Variants in WNT2 observed in about 807,000 individuals in gnomAD.
WNT2 encodes protein Wnt-2.
In WNT2, 12 loss-of-function variants were observed where a neutral mutation model predicts 36.9. That is an observed-to-expected ratio of 0.33 (90% CI 0.21 to 0.53). The LOEUF (loss-of-function observed/expected upper bound fraction) is 0.53, where lower values mean the gene tolerates loss of function less well. WNT2 is among the 20% of genes least tolerant of loss of function. The pLI, the probability that WNT2 is intolerant of heterozygous loss-of-function variation, is 0.95. For missense variants in WNT2, 379 were observed against 473.1 expected (o/e 0.80, Z 1.84); for synonymous variants, 163 against 174.6 (o/e 0.93, Z 0.52).
intron 3 of WNT2, among the ~76,000 whole-genome samples, chr7:117,306,570 T>C (rs908155960): frequency 6.6e-6 from 1 of 152,220 alleles, no homozygotes; most frequent in Non-Finnish European, 1.5e-5. Context: ...GAAAAGTCTC[T>C]TGTTCTACTT....
chr7:117,285,672 T>C (rs1794566110), intron 4 of WNT2, among the ~76,000 whole-genome samples: 1 of 152,216 alleles, frequency 6.6e-6, no homozygotes, highest in Non-Finnish European at 1.5e-5. Flanking sequence ...GTCTCCCAAA[T>C]TGATACTTTA....
intron 4 of WNT2, among the ~76,000 whole-genome samples, chr7:117,281,695 A>G (rs1338559736): frequency 1.3e-5 from 2 of 152,054 alleles, no homozygotes; most frequent in Non-Finnish European, 2.9e-5. Flanking sequence ...CAGACAAGAG[A>G]TATTGCGTGA....
chr7:117,314,063 T>G (rs39311), intron 3 of WNT2, among the ~76,000 whole-genome samples: 45,435 of 152,098 alleles, frequency 0.3, 7,295 homozygotes, highest in African/African-American at 0.39. Flanking sequence ...ATTTTATGCT[T>G]ATCTTTCTTT....
chr7:117,297,510 G>T, intron 4 of WNT2, 102 bp downstream of exon 4: 1 of 1,401,316 alleles, frequency 7.1e-7, no homozygotes, highest in Non-Finnish European at 9.7e-7. Context: ...CGTGAGCTTT[G>T]AACCTAAAGA....
In WNT2 at chr7:117,276,862, T is replaced by C. The variant is rs1794388976; in HGVS notation, c.*1293A>G. 1 of 152,258 alleles carries C rather than the reference T, an allele frequency of 6.6e-6. No individual in the cohort carries two copies. The highest frequency in any genetic ancestry group is 2.4e-5 in the African/African-American group (1 of 41,478). 9.4% of individuals were successfully genotyped at this position (152,258 alleles called of 1,614,324 possible). A position where few individuals can be genotyped will look rare whatever the true frequency, so the allele number is the denominator to read the frequency against. ...CATACTGATGCTCCCATAATTACAG[T>C]TGAGTCCCTTAAACATAGTCTCCAA... On this transcript the variant is annotated 3_prime_UTR_variant, in exon 5 of 5. Coordinates refer to ENST00000265441, the MANE Select transcript of WNT2 (RefSeq NM_003391.3).
At chr7:117,282,168 G>T (rs1256109430) in intron 4 of WNT2, among the ~76,000 whole-genome samples, 1 of 152,202 alleles carries the variant, frequency 6.6e-6, no homozygotes, top group Non-Finnish European at 1.5e-5. Flanking sequence ...TTTCCTTGGG[G>T]AATAGAGAAA....
chr7:117,283,653 G>C (rs1324977800), intron 4 of WNT2, among the ~76,000 whole-genome samples: 2 of 152,244 alleles, frequency 1.3e-5, no homozygotes, highest in African/African-American at 2.4e-5. Flanking sequence ...GGATTGCTCA[G>C]TGTAGTGACC....
At chr7:117,304,558 C>G (rs935702520) in intron 3 of WNT2, among the ~76,000 whole-genome samples, 1 of 151,916 alleles carries the variant, frequency 6.6e-6, no homozygotes, top group African/African-American at 2.4e-5. Flanking sequence ...GCCTCAGCCT[C>G]CCAACTAGCT....
chr7:117,312,615 TC>T (rs1795141979), intron 3 of WNT2, among the ~76,000 whole-genome samples: 1 of 152,238 alleles, frequency 6.6e-6, no homozygotes, highest in Admixed American at 6.5e-5. Flanking sequence ...GACAGGCTTA[TC>T]TTTTTAGTAC....
At chr7:117,287,337 T>C (rs1794602817) in intron 4 of WNT2, among the ~76,000 whole-genome samples, 1 of 152,100 alleles carries the variant, frequency 6.6e-6, no homozygotes, top group South Asian at 2.1e-4. Flanking sequence ...AGAGCGAGAC[T>C]GTCTCAAAAC....
At chr7:117,302,568 T>A (rs906632450) in intron 3 of WNT2, among the ~76,000 whole-genome samples, 4 of 152,182 alleles carry the variant, frequency 2.6e-5, no homozygotes, top group African/African-American at 7.2e-5. Context: ...GATTCCACTC[T>A]GGAAACATCT....
chr7:117,310,545 C>T (rs1011397805), intron 3 of WNT2, among the ~76,000 whole-genome samples: 10 of 146,800 alleles, frequency 6.8e-5, no homozygotes, highest in African/African-American at 1.5e-4. Flanking sequence ...ATTGTGCCAC[C>T]GCACTCCAGC....
chr7:117,304,761 T>C (rs1438764096), intron 3 of WNT2, among the ~76,000 whole-genome samples: 1 of 152,210 alleles, frequency 6.6e-6, no homozygotes, highest in Non-Finnish European at 1.5e-5. Flanking sequence ...AATGGCATTC[T>C]AATTAGCCGG....
chr7:117,297,667 A>G lies in WNT2; in HGVS notation c.798T>C (p.Asn266=). ...GAGAATTCTCAAAATACACGAGGTC[A>G]TTTTTCGTTGGCTTCTTAAACCTCT... ...ANERFKKPTK[N]DLVYFENSPD... Residue 266 remains asparagine (N), a synonymous_variant, in exon 4 of 5, where the codon AAT becomes AAC. Coordinates refer to ENST00000265441, the MANE Select transcript of WNT2 (RefSeq NM_003391.3). 2 of 1,614,070 alleles carry G rather than the reference A, an allele frequency of 1.2e-6. No homozygotes were observed.
In WNT2 at chr7:117,278,337, T is replaced by C. The variant is rs552137031; in HGVS notation, c.901A>G (p.Met301Val). 37 of 1,614,122 alleles carry C rather than the reference T, an allele frequency of 2.3e-5. No individual in the cohort carries two copies. In the South Asian group the frequency reaches 3.6e-4, roughly 16 times the overall value. Residue 301 changes from methionine (M) to valine (V), a missense_variant, in exon 5 of 5, where the codon ATG (methionine) becomes GTG (valine). Met to Val is a conservative substitution (Grantham distance 21). Transcript: ENST00000265441. ...GRVCNLTSRG[M>V]DSCEVMCCGR... is the part of the protein sequence containing the mutation. ...CAGCACATGACTTCACAGCTGTCCA[T>C]GCCCCGGGAAGTCAGGTTGCACACA...
intron 4 of WNT2, among the ~76,000 whole-genome samples, chr7:117,287,800 C>G (rs1475614011): frequency 6.6e-6 from 1 of 151,958 alleles, no homozygotes; most frequent in African/African-American, 2.4e-5. Flanking sequence ...CCAGCCTGGC[C>G]AACATGGTGA....
intron 2 of WNT2, among the ~76,000 whole-genome samples, chr7:117,316,716 C>A (rs560654199): frequency 2.0e-5 from 3 of 152,284 alleles, no homozygotes; most frequent in African/African-American, 7.2e-5. Flanking sequence ...ATTTACCCCC[C>A]AAACCTCTAA....
chr7:117,291,863 C>T (rs1467656870), intron 4 of WNT2, among the ~76,000 whole-genome samples: 2 of 151,172 alleles, frequency 1.3e-5, no homozygotes, highest in African/African-American at 4.9e-5. Flanking sequence ...CCACAACCTC[C>T]ACCTCCCAGG....
intron 4 of WNT2, among the ~76,000 whole-genome samples, chr7:117,286,484 T>G (rs1334481763): frequency 2.7e-5 from 4 of 150,914 alleles, no homozygotes; most frequent in African/African-American, 9.8e-5. Flanking sequence ...CACCTCCTTC[T>G]CCCCCCATCC....
Sources: allele counts gnomAD v4.1 joint callset (sites outside exome capture counted in the v4.1 genomes callset), GRCh38; gene constraint gnomAD v4.1.1; transcripts MANE v1.5; gene names NCBI Gene and HGNC (gene_info 2026-07-23, HGNC 2026-07-21).